Variants in ITPRID2 observed in about 807,000 individuals in gnomAD.
ITPRID2 encodes ITPR interacting domain containing 2.
ITPRID2 carries 60 observed loss-of-function variants against 124.3 expected under a neutral mutation model. The observed-to-expected ratio is 0.48, with a 90% confidence interval of 0.39 to 0.60. The LOEUF (loss-of-function observed/expected upper bound fraction) is 0.60, where lower values mean the gene tolerates loss of function less well. Ranked by LOEUF, ITPRID2 falls within the 20% of genes least tolerant of loss-of-function variation. The probability of loss-of-function intolerance (pLI) is 0.00; values close to 1 mark genes in which losing one functional copy is unlikely to be tolerated. For missense variants in ITPRID2, 1,553 were observed against 1,512.2 expected (o/e 1.03, Z -0.45); for synonymous variants, 521 against 542.9 (o/e 0.96, Z 0.56).
At position 181,916,636 on chromosome 2, in the gene ITPRID2, C is replaced by T. The variant is rs899546839; in HGVS notation, c.2787+209C>T. ...AACTAACCCTGATCAAAGTCGATTT[C>T]TCTGCTCACAAGTCTGTCTCCTTTC... On this transcript the variant is annotated intron_variant, in intron 11 of 17. Transcript: ENST00000431877. 3 of 783,576 alleles carry T rather than the reference C, an allele frequency of 3.8e-6. No individual in the cohort carries two copies. The African/African-American group carries it at 5.2e-5, about 14-fold the overall frequency. 48.5% of individuals were successfully genotyped at this position (783,576 alleles called of 1,614,324 possible). A position where few individuals can be genotyped will look rare whatever the true frequency, so the allele number is the denominator to read the frequency against.
Position 181,892,079 on chromosome 2 carries a change from C to A in ITPRID2, c.13C>A (p.Leu5Met). MDRP[L>M]SSSAEAEEEL... ...CCCCAGTGCGGCCATGGACCGGCCCCTGTCGTCGTCGGCGGAGGCGGAGGA... is the reference window on the plus strand; with the variant it reads ...CCCCAGTGCGGCCATGGACCGGCCCATGTCGTCGTCGGCGGAGGCGGAGGA... Residue 5 changes from leucine to methionine, a missense_variant, in exon 1 of 18, where the codon CTG becomes ATG. Physicochemically the swap from Leu to Met is conservative, Grantham distance 15. Transcript: ENST00000431877. The surrounding 1 kb of genome is among the most constrained non-coding windows in gnomAD (Gnocchi z 5.2). 1 of 1,552,778 alleles carries A rather than the reference C, an allele frequency of 6.4e-7. No individual in the cohort carries two copies. The highest frequency in any genetic ancestry group is 2.4e-5 in the East Asian group (1 of 41,316).
chr2:181,925,843 A>G (rs555913164), intron 16 of ITPRID2, among the ~76,000 whole-genome samples: 1 of 152,268 alleles, frequency 6.6e-6, no homozygotes, highest in Admixed American at 6.5e-5. Context: ...GTCATCTGAA[A>G]TTGTTCTTTC....
rs553748440 is a variant in ITPRID2, at chr2:181,916,048, C to T, written c.2408C>T (p.Ser803Phe). 4.3e-6 allele frequency: 7 copies of T among 1,614,200 alleles called. 1 individual carries two copies. The East Asian group carries it at 6.7e-5, about 15-fold the overall frequency. Reference sequence around the variant, plus strand: ...TTAGTTAAATCGACCATTTTCATCTCTCCATCATCTGTGAAGAAAGAAGAA... The same window carrying T: ...TTAGTTAAATCGACCATTTTCATCTTTCCATCATCTGTGAAGAAAGAAGAA... Reference protein sequence around the residue: ...QSLVKSTIFISPSSVKKEEAP... With the variant: ...QSLVKSTIFIFPSSVKKEEAP... The change falls in exon 11 of 18, where the codon TCT (serine) becomes TTT (phenylalanine). Residue 803 changes from serine to phenylalanine, a missense_variant. Coordinates refer to ENST00000431877, the MANE Select transcript of ITPRID2 (RefSeq NM_001130445.3).
At chr2:181,917,008 A>G (rs999037805) in intron 11 of ITPRID2, 1 of 985,472 alleles carries the variant, frequency 1.0e-6, no homozygotes, top group Non-Finnish European at 1.2e-6. Context: ...CAAATCAGGT[A>G]AAGTGTGAAT....
chr2:181,906,765 A>G (rs1321086614), intron 8 of ITPRID2, among the ~76,000 whole-genome samples: 2 of 152,090 alleles, frequency 1.3e-5, no homozygotes, highest in Admixed American at 1.3e-4. Flanking sequence ...AAAAAAAAAT[A>G]CGGATATTTA....
intron 9 of ITPRID2, among the ~76,000 whole-genome samples, chr2:181,913,362 C>G (rs1339637722): frequency 6.6e-6 from 1 of 152,192 alleles, no homozygotes; most frequent in Admixed American, 6.5e-5. Context: ...CCACCGCGCC[C>G]AGCCCTAACT....
chr2:181,918,311 G>GC (rs1553490069), intron 11 of ITPRID2: 2 of 1,145,678 alleles, frequency 1.7e-6, no homozygotes, highest in East Asian at 9.3e-5. Flanking sequence ...TTTTGATTTT[G>GC]TTTTTTTTTA....
chr2:181,924,573 T>C (rs757720300), intron 16 of ITPRID2, among the ~76,000 whole-genome samples: 2 of 152,218 alleles, frequency 1.3e-5, no homozygotes, highest in Non-Finnish European at 2.9e-5. Context: ...TAAGCATGTT[T>C]GGCAGGCACT....
intron 8 of ITPRID2, among the ~76,000 whole-genome samples, chr2:181,909,447 GT>G (rs1309892265): frequency 7.9e-5 from 12 of 152,220 alleles, no homozygotes; most frequent in Admixed American, 7.8e-4. Flanking sequence ...CTACTTTGAA[GT>G]TTAACGTATA....
In ITPRID2 at chr2:181,892,153, G is replaced by A; in HGVS notation, c.87G>A (p.Lys29=). The change falls in exon 1 of 18, where the codon AAG becomes AAA. Residue 29 remains lysine (K), a synonymous_variant. Coordinates refer to ENST00000431877, the MANE Select transcript of ITPRID2 (RefSeq NM_001130445.3). The surrounding 1 kb of genome is among the most constrained non-coding windows in gnomAD (Gnocchi z 5.2). ...VASRRRKAWA[K]CRSSWQASET... ...GTCGCAGGAGGAAGGCCTGGGCCAAGTGCCGCAGCTCCTGGCAAGCGTCGG... is the reference window on the plus strand; with the variant it reads ...GTCGCAGGAGGAAGGCCTGGGCCAAATGCCGCAGCTCCTGGCAAGCGTCGG... The A allele has an allele frequency of 6.4e-7, 1 of 1,557,152 alleles. No homozygotes were observed. The highest frequency in any genetic ancestry group is 8.7e-7 in the Non-Finnish European group (1 of 1,150,726).
chr2:181,925,383 C>G (rs1694770610), intron 16 of ITPRID2, among the ~76,000 whole-genome samples: 1 of 152,108 alleles, frequency 6.6e-6, no homozygotes, highest in Non-Finnish European at 1.5e-5. Context: ...ACCATCCATC[C>G]CAGGGTAGTT....
chr2:181,911,682 G>A (rs1285161112), intron 9 of ITPRID2, among the ~76,000 whole-genome samples: 2 of 152,056 alleles, frequency 1.3e-5, no homozygotes, highest in African/African-American at 4.8e-5. Context: ...TTTCTGTTGA[G>A]AACTGTGTTT....
Position 181,891,882 on chromosome 2 carries a change from C to G in ITPRID2, c.-185C>G, listed in dbSNP as rs1475484587. ...TCATGTGAAGCGCCGGCCCTCCGCC[C>G]CTTCCCTCCCCTTCCTTCCCTCCCT... On this transcript the variant is annotated 5_prime_UTR_variant, in exon 1 of 18. Coordinates refer to ENST00000431877, the MANE Select transcript of ITPRID2 (RefSeq NM_001130445.3). 2.8e-6 allele frequency: 1 copy of G among 357,576 alleles called. No individual in the cohort carries two copies. Among genetic ancestry groups the G allele is most frequent in the African/African-American group, 2.3e-5 (1 of 43,538 alleles). The allele number at this position is 357,576 out of a possible 1,614,324, so 22.2% of individuals were successfully genotyped here. A position where few individuals can be genotyped will look rare whatever the true frequency, so the allele number is the denominator to read the frequency against.
At position 181,902,041 on chromosome 2, in the gene ITPRID2, T is replaced by C. The variant is rs1381754155; in HGVS notation, c.988T>C (p.Ser330Pro). The change falls in exon 8 of 18, where the codon TCA (serine) becomes CCA (proline). Residue 330 changes from serine to proline, a missense_variant. Coordinates refer to ENST00000431877, the MANE Select transcript of ITPRID2 (RefSeq NM_001130445.3). This position sits in a 1 kb window ranked among gnomAD's most constrained non-coding sequence, Gnocchi z 4.4. ...TGAAAAAGGAAAGATTCTAAATGTT[T>C]CAGTGATTGAAGAAAGTGGCAATAA... is the stretch of plus-strand genomic sequence containing the variant. ...SAEKGKILNVSVIEESGNKND... is the reference protein window; with the variant it reads ...SAEKGKILNVPVIEESGNKND... The C allele has an allele frequency of 1.9e-6, 3 of 1,612,740 alleles. No individual in the cohort carries two copies. The highest frequency in any genetic ancestry group is 2.5e-6 in the Non-Finnish European group (3 of 1,179,678).
chr2:181,914,529 G>A (rs1441420298), intron 10 of ITPRID2, among the ~76,000 whole-genome samples: 1 of 152,156 alleles, frequency 6.6e-6, no homozygotes, highest in Non-Finnish European at 1.5e-5. Context: ...ACAGACAAGA[G>A]GCATATGTAA....
At chr2:181,897,785 A>AT (rs1331869818) in intron 4 of ITPRID2, among the ~76,000 whole-genome samples, 2 of 151,916 alleles carry the variant, frequency 1.3e-5, no homozygotes, top group African/African-American at 2.4e-5. Context: ...AATATTCTTG[A>AT]TTTTTTCCTG....
At position 181,901,869 on chromosome 2, in the gene ITPRID2, C is replaced by T. The variant is rs750718693; in HGVS notation, c.816C>T (p.Ser272=). The change falls in exon 8 of 18, where the codon TCC becomes TCT. Residue 272 remains serine, a synonymous_variant. Coordinates refer to ENST00000431877, the MANE Select transcript of ITPRID2 (RefSeq NM_001130445.3). ...GTPLQRIGSM[S]SVTSNKETDP... is the part of the protein sequence containing the mutation. ...CCCTGCAGAGAATTGGAAGTATGTCCTCAGTGACCTCTAACAAGGAGACAG... is the reference window on the plus strand; with the variant it reads ...CCCTGCAGAGAATTGGAAGTATGTCTTCAGTGACCTCTAACAAGGAGACAG... 2 of 1,613,846 alleles carry T rather than the reference C, an allele frequency of 1.2e-6. No homozygotes were observed. Among genetic ancestry groups the T allele is most frequent in the Non-Finnish European group, 1.7e-6 (2 of 1,179,878 alleles).
In ITPRID2 at chr2:181,896,150, G is replaced by GTATATA. The variant is rs1244771440; in HGVS notation, c.307+73_307+78dup. On this transcript the variant is annotated intron_variant, in intron 3 of 17. Coordinates refer to ENST00000431877, the MANE Select transcript of ITPRID2 (RefSeq NM_001130445.3). This position sits in a 1 kb window ranked among gnomAD's most constrained non-coding sequence, Gnocchi z 4.3. ...ACTTCTTTGTCCTCTGGGTAAAAGT[G>GTATATA]TATATATGACTTATAAAAGTGATAT... 1.5e-6 allele frequency: 2 copies of GTATATA among 1,331,200 alleles called. No homozygotes were observed. The highest frequency in any genetic ancestry group is 2.2e-6 in the Non-Finnish European group (2 of 926,794). 82.5% of individuals were successfully genotyped at this position (1,331,200 alleles called of 1,614,324 possible).
In ITPRID2 at chr2:181,916,219, A is replaced by G. The variant is rs1234221811; in HGVS notation, c.2579A>G (p.Glu860Gly). The G allele has an allele frequency of 1.2e-6, 2 of 1,614,202 alleles. No homozygotes were observed. The highest frequency in any genetic ancestry group is 1.7e-6 in the Non-Finnish European group (2 of 1,180,042). The change falls in exon 11 of 18, where the codon GAG (glutamate) becomes GGG (glycine). Residue 860 changes from glutamate (E) to glycine (G), a missense_variant. Transcript: ENST00000431877. ...GAGTGGCAAGAAAGGCCCCTGTGTG[A>G]GCACACAAGAACTCTGAGCACTCAC... ...HSEWQERPLC[E>G]HTRTLSTHSV...
Sources: gnomAD v4.1 joint callset for allele counts (sites outside exome capture counted in the v4.1 genomes callset) on GRCh38, gnomAD v4.1.1 for gene constraint, Gnocchi (gnomAD v3.1) non-coding constraint, MANE v1.5 for transcripts, NCBI Gene and HGNC (gene_info 2026-07-23, HGNC 2026-07-21) for gene names.